Variants in RBFOX1 observed in about 807,000 individuals in gnomAD.
The protein encoded by RBFOX1 is RNA binding protein fox-1 homolog 1.
RBFOX1 carries 8 observed loss-of-function variants against 57.7 expected under a neutral mutation model. The ratio of observed to expected loss-of-function variants is 0.14; its 90% CI spans 0.08 to 0.25. The LOEUF (loss-of-function observed/expected upper bound fraction) is 0.25, where lower values mean the gene tolerates loss of function less well. Ranked by LOEUF, RBFOX1 falls within the 10% of genes least tolerant of loss-of-function variation. The probability of loss-of-function intolerance (pLI) is 1.00; values close to 1 mark genes in which losing one functional copy is unlikely to be tolerated. For synonymous variants in RBFOX1, 326 were observed against 222.4 expected, an observed-to-expected ratio of 1.47 and a Z score of -4.15; for missense variants, 611 against 548.5, an observed-to-expected ratio of 1.11 and a Z score of -1.14.
intron 4 of RBFOX1, among the ~76,000 whole-genome samples, chr16:7,493,384 C>G (rs1454817041): frequency 2.6e-5 from 4 of 152,200 alleles, no homozygotes; most frequent in African/African-American, 9.7e-5. Flanking sequence ...GCAATAGACT[C>G]AGTAACGCCC....
intron 1 of RBFOX1, among the ~76,000 whole-genome samples, chr16:5,357,061 G>A (rs4786680): frequency 0.36 from 54,749 of 152,082 alleles, 11,923 homozygotes; most frequent in East Asian, 0.73. Flanking sequence ...GACACAGTTC[G>A]ACAGCAGTAG....
intron 3 of RBFOX1, among the ~76,000 whole-genome samples, chr16:7,016,290 C>A (rs2153663945): frequency 6.6e-6 from 1 of 152,214 alleles, no homozygotes; most frequent in Middle Eastern, 3.4e-3. Flanking sequence ...TGTGGTAGAT[C>A]CTTCTGCCAT....
intron 1 of RBFOX1, among the ~76,000 whole-genome samples, chr16:5,278,684 T>A (rs1193017190): frequency 6.6e-6 from 1 of 152,242 alleles, no homozygotes; most frequent in Non-Finnish European, 1.5e-5. Flanking sequence ...TCTCAAGAGT[T>A]TCTCCTGTGT....
At position 6,630,077 on chromosome 16, in the gene RBFOX1, G is replaced by T. The variant is rs140411067; in HGVS notation, c.-63-24526G>T. The stretch of plus-strand genomic sequence containing the variant: ...CCTGTGGTTTCTTCTGACAGGAAGA[G>T]GGTTTTCAAATCCCTCCTTGGTCTA... On this transcript the variant is annotated intron_variant, in intron 2 of 15. Coordinates refer to ENST00000550418, the MANE Select transcript of RBFOX1 (RefSeq NM_018723.4). Among the ~76,000 whole-genome samples, 560 of 151,876 alleles carry T rather than the reference G, an allele frequency of 3.7e-3. 4 individuals are homozygous for T. The highest frequency in any genetic ancestry group is 0.012 in the African/African-American group (515 of 41,432).
chr16:6,637,145 A>T (rs1176711640), intron 2 of RBFOX1, among the ~76,000 whole-genome samples: 6 of 92,982 alleles, frequency 6.5e-5, no homozygotes, highest in South Asian at 2.7e-4. Flanking sequence ...TTAAATATAT[A>T]ATATACAATA....
At chr16:6,517,968 A>G (rs2096413656) in intron 2 of RBFOX1, among the ~76,000 whole-genome samples, 1 of 152,114 alleles carries the variant, frequency 6.6e-6, no homozygotes, top group Non-Finnish European at 1.5e-5. Context: ...GCTATTTTGC[A>G]TTTTGGAGAC....
chr16:5,240,738 G>A (rs907820895), intron 1 of RBFOX1, among the ~76,000 whole-genome samples: 3 of 152,182 alleles, frequency 2.0e-5, no homozygotes, highest in African/African-American at 7.2e-5. Context: ...CGCTGTCCCT[G>A]TGAGCTCCCG....
intron 2 of RBFOX1, among the ~76,000 whole-genome samples, chr16:6,580,655 C>A (rs567960203): frequency 6.6e-6 from 1 of 152,116 alleles, no homozygotes; most frequent in Non-Finnish European, 1.5e-5. Flanking sequence ...GTGGGGTATA[C>A]ACAGTAAACT....
At chr16:7,543,827 T>A (rs893633402) in intron 5 of RBFOX1, among the ~76,000 whole-genome samples, 6 of 152,144 alleles carry the variant, frequency 3.9e-5, no homozygotes, top group African/African-American at 1.4e-4. Flanking sequence ...TTCAAGTGAT[T>A]CTCCTGCCTC....
intron 4 of RBFOX1, among the ~76,000 whole-genome samples, chr16:7,325,209 T>C (rs1487255149): frequency 2.0e-5 from 3 of 152,198 alleles, no homozygotes; most frequent in African/African-American, 4.8e-5. Context: ...AGCTAAACAC[T>C]GCAGTATACT....
At position 5,435,348 on chromosome 16, in the gene RBFOX1, G is replaced by GGT. The variant is rs138893154; in HGVS notation, c.220-31857_220-31856dup. On this transcript the variant is annotated intron_variant, in intron 1 of 2. Coordinates refer to the RBFOX1 transcript ENST00000585867. ...TTCTGAATTGGAGGGATGTTTGTGGGGTGTGTGTGTGTTGGGGGTGTCATC... is the reference window on the plus strand; with the variant it reads ...TTCTGAATTGGAGGGATGTTTGTGGGGTGTGTGTGTGTGTTGGGGGTGTCATC... Among the ~76,000 whole-genome samples the GGT allele has an allele frequency of 4.2e-3, 644 of 152,204 alleles. 5 individuals are homozygous for GGT. The highest frequency in any genetic ancestry group is 0.015 in the African/African-American group (612 of 41,506).
intron 4 of RBFOX1, among the ~76,000 whole-genome samples, chr16:7,346,632 C>G (rs79139081): frequency 0.017 from 2,523 of 151,898 alleles, 27 homozygotes; most frequent in Middle Eastern, 0.037. Flanking sequence ...ATGTGGCCCA[C>G]GGGCATTGCT....
chr16:6,506,318 G>A (rs530395359), intron 2 of RBFOX1, among the ~76,000 whole-genome samples: 3 of 152,170 alleles, frequency 2.0e-5, no homozygotes, highest in South Asian at 2.1e-4. Flanking sequence ...AGTATGGGGA[G>A]CTGGAGGGAA....
At chr16:7,641,018 A>C (rs972984764) in intron 11 of RBFOX1, among the ~76,000 whole-genome samples, 1 of 152,084 alleles carries the variant, frequency 6.6e-6, no homozygotes, top group Non-Finnish European at 1.5e-5. Flanking sequence ...AGTTTGATGC[A>C]ATGGAGCAGG....
intron 3 of RBFOX1, among the ~76,000 whole-genome samples, chr16:6,880,837 A>C (rs1015519508): frequency 6.6e-6 from 1 of 152,214 alleles, no homozygotes; most frequent in Non-Finnish European, 1.5e-5. Flanking sequence ...AATGTGTTGG[A>C]ATTGCTGGAC....
intron 2 of RBFOX1, among the ~76,000 whole-genome samples, chr16:5,535,843 G>A (rs977306185): frequency 6.6e-6 from 1 of 152,196 alleles, no homozygotes; most frequent in Non-Finnish European, 1.5e-5. Context: ...AGACATTTCT[G>A]AGATACTATC....
chr16:7,493,475 G>C (rs540602478), intron 4 of RBFOX1, among the ~76,000 whole-genome samples: 1 of 152,216 alleles, frequency 6.6e-6, no homozygotes, highest in Non-Finnish European at 1.5e-5. Context: ...ACAGATTTAA[G>C]TAAGGAGAAT....
At chr16:6,385,233 G>A (rs1415892368) in intron 2 of RBFOX1, among the ~76,000 whole-genome samples, 1 of 152,190 alleles carries the variant, frequency 6.6e-6, no homozygotes, top group Non-Finnish European at 1.5e-5. Context: ...ATGGAAACAG[G>A]AACAGGCAGT....
intron 4 of RBFOX1, among the ~76,000 whole-genome samples, chr16:7,409,896 A>T (rs778024601): frequency 6.6e-6 from 1 of 152,142 alleles, no homozygotes; most frequent in Non-Finnish European, 1.5e-5. Context: ...AGTTCCGGCA[A>T]TGTCTTAAAT....
Sources: allele counts gnomAD v4.1 joint callset (sites outside exome capture counted in the v4.1 genomes callset), GRCh38; gene constraint gnomAD v4.1.1; transcripts MANE v1.5; gene names NCBI Gene and HGNC (gene_info 2026-07-23, HGNC 2026-07-21).